Variants in SNED1 observed in about 807,000 individuals in gnomAD.
SNED1 encodes sushi, nidogen and EGF-like domain-containing protein 1.
SNED1 carries 81 observed loss-of-function variants against 166.7 expected under a neutral mutation model. The ratio of observed to expected loss-of-function variants is 0.49; its 90% CI spans 0.41 to 0.58. SNED1 has a LOEUF of 0.58. Among genes scored for constraint, SNED1 ranks in the 20% least tolerant of loss-of-function variants. The pLI, the probability that SNED1 is intolerant of heterozygous loss-of-function variation, is 0.00. For synonymous variants in SNED1, 762 were observed against 822.0 expected, an observed-to-expected ratio of 0.93 and a Z score of 1.25; for missense variants, 1,604 against 2,000.2, an observed-to-expected ratio of 0.80 and a Z score of 3.78.
At chr2:241,016,823 T>C (rs1226387753) in intron 1 of SNED1, among the ~76,000 whole-genome samples, 1 of 151,888 alleles carries the variant, frequency 6.6e-6, no homozygotes, top group African/African-American at 2.4e-5. Context: ...TCCACTTACA[T>C]TTGATAAGTT....
intron 1 of SNED1, among the ~76,000 whole-genome samples, chr2:241,017,898 G>A (rs970062899): frequency 6.6e-6 from 1 of 152,172 alleles, no homozygotes; most frequent in African/African-American, 2.4e-5. Context: ...CCCTGTTGAC[G>A]CCACCGTCAA....
intron 21 of SNED1, among the ~76,000 whole-genome samples, chr2:241,067,563 G>A (rs562008526): frequency 2.1e-4 from 32 of 152,262 alleles, no homozygotes; most frequent in African/African-American, 7.2e-4. Flanking sequence ...TGCTCACAGC[G>A]GGTTCTGCAG....
Position 241,087,407 on chromosome 2 carries a change from C to A in SNED1, c.4137C>A (p.Tyr1379Ter). The A allele has an allele frequency of 6.2e-7, 1 of 1,601,102 alleles. No individual in the cohort carries two copies. Residue 1379 changes from tyrosine to a stop codon, truncating the protein, a stop_gained, in exon 30 of 32, where the codon TAC becomes TAA. Transcript: ENST00000310397. LOFTEE classifies it high-confidence loss of function. ...GTGACAACAGGTATAAAAGAGTCTA[C>A]CGAGTTCACCAAGACATCTGCTTCA... ...GVCHHVYKRV[Y>*]RVHQDICFKE... is the part of the protein sequence containing the mutation.
intron 3 of SNED1, 138 bp downstream of exon 3, chr2:241,034,013 A>G (rs528143555): frequency 1.5e-5 from 16 of 1,102,454 alleles, no homozygotes; most frequent in Middle Eastern, 3.0e-4. Flanking sequence ...AGAGACATCC[A>G]CAACCATCCC....
chr2:241,042,490 C>A (rs1331252503), intron 8 of SNED1, among the ~76,000 whole-genome samples: 1 of 152,106 alleles, frequency 6.6e-6, no homozygotes, highest in African/African-American at 2.4e-5. Context: ...CTCCAAAATA[C>A]CCAGTCAAAA....
rs185179128 is a variant in SNED1 at position 241,068,592 on chromosome 2, C to G, written c.3195-319C>G. Among the ~76,000 whole-genome samples the G allele has an allele frequency of 2.5e-3, 376 of 152,128 alleles. 2 individuals carry two copies. The highest frequency in any genetic ancestry group is 8.4e-3 in the African/African-American group (348 of 41,478). On this transcript the variant is annotated intron_variant, in intron 22 of 31. Transcript: ENST00000310397. This position sits in a 1 kb window ranked among gnomAD's most constrained non-coding sequence, Gnocchi z 5.3. Reference sequence around the variant, plus strand: ...ACATCAACTCACCTGTGCTGAGGGCCCGTCCCCCATCCCTGCACAGTGACC... The same window carrying G: ...ACATCAACTCACCTGTGCTGAGGGCGCGTCCCCCATCCCTGCACAGTGACC...
At chr2:241,007,400 C>T (rs954413664) in intron 1 of SNED1, among the ~76,000 whole-genome samples, 2 of 152,226 alleles carry the variant, frequency 1.3e-5, no homozygotes, top group Non-Finnish European at 2.9e-5. Context: ...AGTCCAAAAC[C>T]TTGATTGCAC....
chr2:241,058,823 G>A lies in SNED1; in HGVS notation c.2258-3968G>A, dbSNP rs185755162. On this transcript the variant is annotated intron_variant, in intron 16 of 31. Transcript: ENST00000310397. ...AAATTAGCTGGGCGAGGTGGCGGGC[G>A]CCTGTAGTCCCAGCTACTCAGGAGG... Among the ~76,000 whole-genome samples, 858 of 152,194 alleles carry A rather than the reference G, an allele frequency of 5.6e-3. 6 individuals carry two copies. Among genetic ancestry groups the A allele is most frequent in the African/African-American group, 0.012 (518 of 41,526 alleles).
chr2:241,090,368 G>A (rs1277093838), intron 31 of SNED1: 5 of 1,550,190 alleles, frequency 3.2e-6, no homozygotes, highest in East Asian at 4.9e-5. Context: ...TGACAATGAT[G>A]CCTTCTTCTG....
chr2:241,049,799 T>C lies in SNED1; in HGVS notation c.1619-18T>C. The C allele has an allele frequency of 6.2e-7, 1 of 1,600,080 alleles. No individual in the cohort carries two copies. The highest frequency in any genetic ancestry group is 8.6e-7 in the Non-Finnish European group (1 of 1,167,884). ...TGCGGCGTAAGCTCCAGGACCACCC[T>C]CTGTCCCCCGCCCCCAGCCCTGCCA... On this transcript the variant is annotated intron_variant, in intron 11 of 31. Coordinates refer to ENST00000310397, the MANE Select transcript of SNED1 (RefSeq NM_001080437.3).
At chr2:241,028,386 G>C (rs559398231) in intron 1 of SNED1, among the ~76,000 whole-genome samples, 1 of 152,114 alleles carries the variant, frequency 6.6e-6, no homozygotes, top group Admixed American at 6.5e-5. Context: ...TGAAGCTTTT[G>C]CCCTATTGTT....
chr2:241,012,829 T>G (rs796265743), intron 1 of SNED1, among the ~76,000 whole-genome samples: 5,932 of 149,594 alleles, frequency 0.04, 717 homozygotes, highest in East Asian at 0.32. Context: ...TTTTTTCTTT[T>G]TTTTTTTTTT....
intron 6 of SNED1, among the ~76,000 whole-genome samples, chr2:241,039,045 G>A (rs187672167): frequency 1.0e-3 from 158 of 152,310 alleles, no homozygotes; most frequent in Non-Finnish European, 1.7e-3. Context: ...GCCTCGGACC[G>A]TGAGCCTTCA....
At chr2:241,028,089 C>A (rs889685322) in intron 1 of SNED1, among the ~76,000 whole-genome samples, 1 of 152,114 alleles carries the variant, frequency 6.6e-6, no homozygotes, top group Non-Finnish European at 1.5e-5. Flanking sequence ...CTCATTGGTT[C>A]TTTGGAGAAA....
rs1333014462 is a variant in SNED1 at position 241,052,142 on chromosome 2, C to T, written c.1954C>T (p.Arg652Trp). 8.7e-6 allele frequency: 14 copies of T among 1,613,402 alleles called. No homozygotes were observed. The highest frequency in any genetic ancestry group is 6.7e-5 in the East Asian group (3 of 44,880). Reference protein sequence around the residue: ...KCDCPPGFSGRHCEIAPSPCF... With the variant: ...KCDCPPGFSGWHCEIAPSPCF... ...TGACTGTCCCCCAGGCTTCTCCGGG[C>T]GGCACTGCGAGATAGGTAAGGTGGG... The change falls in exon 14 of 32, where the codon CGG (arginine) becomes TGG (tryptophan). Residue 652 changes from arginine to tryptophan, a missense_variant. Arg to Trp is a moderately radical substitution (Grantham distance 101). Transcript: ENST00000310397.
intron 6 of SNED1, among the ~76,000 whole-genome samples, 165 bp from the exon 7 acceptor site, chr2:241,039,910 C>T (rs2061476250): frequency 6.6e-6 from 1 of 152,192 alleles, no homozygotes; most frequent in Non-Finnish European, 1.5e-5. Context: ...GACTGCCTGG[C>T]CAGGCCTCTT....
chr2:241,033,128 C>T (rs773523268), intron 2 of SNED1, among the ~76,000 whole-genome samples: 7 of 152,074 alleles, frequency 4.6e-5, no homozygotes, highest in Non-Finnish European at 7.4e-5. Flanking sequence ...ACTTTAAAAC[C>T]TTATTTGATT....
chr2:241,040,417 A>G lies in SNED1; in HGVS notation c.1273+4A>G. 1 of 1,569,110 alleles carries G rather than the reference A, an allele frequency of 6.4e-7. No homozygotes were observed. Among genetic ancestry groups the G allele is most frequent in the South Asian group, 1.2e-5 (1 of 85,382 alleles). Reference sequence around the variant, plus strand: ...AAGGGACTTCGCTGTGAGACAGGTAACTGGCCAAGTGCCTGCAGGCCACCA... The same window carrying G: ...AAGGGACTTCGCTGTGAGACAGGTAGCTGGCCAAGTGCCTGCAGGCCACCA... On this transcript the variant is annotated splice_donor_region_variant and intron_variant, in intron 8 of 31. Coordinates refer to ENST00000310397, the MANE Select transcript of SNED1 (RefSeq NM_001080437.3).
intron 21 of SNED1, among the ~76,000 whole-genome samples, chr2:241,067,291 G>A (rs568867017): frequency 3.3e-5 from 5 of 152,342 alleles, no homozygotes; most frequent in African/African-American, 7.2e-5. Flanking sequence ...GGCGGGAAGC[G>A]GAGCTCACAA....
Sources: allele counts gnomAD v4.1 joint callset (sites outside exome capture counted in the v4.1 genomes callset), GRCh38; gene constraint gnomAD v4.1.1; non-coding constraint Gnocchi (gnomAD v3.1); transcripts MANE v1.5; gene names NCBI Gene and HGNC (gene_info 2026-07-23, HGNC 2026-07-21).